FAM227B: variants seen among roughly 807,000 people sequenced by gnomAD.
FAM227B encodes protein FAM227B.
A neutral mutation model predicts 73.8 loss-of-function variants in FAM227B; 88 were observed. The observed-to-expected ratio is 1.19, with a 90% CI of 1.00 to 1.42. FAM227B has a LOEUF of 1.42. FAM227B is among the 40% of genes most tolerant of loss of function. The pLI is 0.00. For missense variants in FAM227B, 632 were observed against 590.9 expected, an observed-to-expected ratio of 1.07 and a Z score of -0.72; for synonymous variants, 210 against 190.5, an observed-to-expected ratio of 1.10 and a Z score of -0.84.
chr15:49,588,084 C>A lies in FAM227B; in HGVS notation c.338-1G>T. On this transcript the variant is annotated splice_acceptor_variant, in intron 4 of 15. Coordinates refer to ENST00000299338, the MANE Select transcript of FAM227B (RefSeq NM_152647.3). LOFTEE classifies it high-confidence loss of function. Reference sequence around the variant, plus strand: ...TATCGTTCCAATTTTCTATAAGAACCTTTAAGAAAATAAGAATTCACAGTA... The same window carrying A: ...TATCGTTCCAATTTTCTATAAGAACATTTAAGAAAATAAGAATTCACAGTA... 7.2e-7 allele frequency: 1 copy of A among 1,396,572 alleles called. No homozygotes were observed. The highest frequency in any genetic ancestry group is 9.6e-7 in the Non-Finnish European group (1 of 1,045,848). 86.5% of individuals were successfully genotyped at this position (1,396,572 alleles called of 1,614,324 possible).
At chr15:49,377,211 T>C (rs1182492751) in intron 11 of FAM227B, among the ~76,000 whole-genome samples, 1 of 152,152 alleles carries the variant, frequency 6.6e-6, no homozygotes, top group Admixed American at 6.5e-5. Flanking sequence ...ACTCTTTTTA[T>C]GGCTGAATAG....
chr15:49,545,222 C>G (rs571007288), intron 9 of FAM227B, among the ~76,000 whole-genome samples: 209 of 152,238 alleles, frequency 1.4e-3, no homozygotes, highest in Admixed American at 2.5e-3. Flanking sequence ...CTGATATAAC[C>G]TAGGACAGTT....
At chr15:49,472,415 T>A (rs940933077) in intron 11 of FAM227B, among the ~76,000 whole-genome samples, 9 of 152,174 alleles carry the variant, frequency 5.9e-5, no homozygotes, top group African/African-American at 2.2e-4. Flanking sequence ...GCTGGGTACC[T>A]TTTATGGAAG....
At chr15:49,444,353 C>T (rs895121872) in intron 11 of FAM227B, among the ~76,000 whole-genome samples, 13 of 151,402 alleles carry the variant, frequency 8.6e-5, no homozygotes, top group South Asian at 8.3e-4. Flanking sequence ...TGAAAATGCA[C>T]GGAACCAAAG....
intron 11 of FAM227B, among the ~76,000 whole-genome samples, chr15:49,397,902 T>C (rs1354706058): frequency 2.0e-5 from 3 of 151,330 alleles, no homozygotes; most frequent in East Asian, 1.9e-4. Context: ...CATGCCAAAA[T>C]GTAAAGACCA....
chr15:49,592,724 T>C (rs930073089), intron 3 of FAM227B, among the ~76,000 whole-genome samples: 1 of 152,232 alleles, frequency 6.6e-6, no homozygotes, highest in Middle Eastern at 3.2e-3. Flanking sequence ...TCTTCAGAGC[T>C]GTCAGATAGG....
chr15:49,540,219 G>A (rs1039037891), intron 10 of FAM227B, among the ~76,000 whole-genome samples: 1 of 152,170 alleles, frequency 6.6e-6, no homozygotes, highest in African/African-American at 2.4e-5. Flanking sequence ...GTGTGTGGCT[G>A]CCTCAGGAAC....
intron 13 of FAM227B, among the ~76,000 whole-genome samples, chr15:49,336,884 T>C (rs1427499144): frequency 6.6e-6 from 1 of 152,182 alleles, no homozygotes; most frequent in African/African-American, 2.4e-5. Context: ...CAGTATGCAG[T>C]GTCTATTGTT....
At chr15:49,582,037 C>T (rs1232591190) in intron 5 of FAM227B, among the ~76,000 whole-genome samples, 3 of 152,148 alleles carry the variant, frequency 2.0e-5, no homozygotes, top group Admixed American at 2.0e-4. Context: ...GCTTGCAGTA[C>T]ACATACCAGT....
At chr15:49,547,522 A>G (rs1381851893) in intron 9 of FAM227B, among the ~76,000 whole-genome samples, 1 of 152,192 alleles carries the variant, frequency 6.6e-6, no homozygotes, top group Non-Finnish European at 1.5e-5. Context: ...AGTGTGCTGT[A>G]TTCAGGAAAC....
At chr15:49,438,708 T>C (rs1280640040) in intron 11 of FAM227B, among the ~76,000 whole-genome samples, 2 of 151,670 alleles carry the variant, frequency 1.3e-5, no homozygotes, top group East Asian at 1.9e-4. Flanking sequence ...CTTGGGCAAA[T>C]AGTTGACTCT....
intron 10 of FAM227B, among the ~76,000 whole-genome samples, chr15:49,518,695 C>A (rs1174795979): frequency 1.3e-5 from 2 of 152,224 alleles, no homozygotes; most frequent in East Asian, 3.9e-4. Flanking sequence ...TCCCATGATT[C>A]AATTATTTTC....
chr15:49,608,457 G>A (rs2077666441), intron 3 of FAM227B, among the ~76,000 whole-genome samples: 1 of 152,010 alleles, frequency 6.6e-6, no homozygotes, highest in African/African-American at 2.4e-5. Context: ...CTTCACCCAT[G>A]TCCCAAAGCC....
intron 11 of FAM227B, among the ~76,000 whole-genome samples, chr15:49,457,120 G>A (rs1197555256): frequency 2.0e-5 from 3 of 151,960 alleles, no homozygotes; most frequent in African/African-American, 7.2e-5. Context: ...AGACGTTTGG[G>A]TTTCATTTCA....
intron 11 of FAM227B, among the ~76,000 whole-genome samples, chr15:49,504,728 A>G (rs1350062600): frequency 6.6e-6 from 1 of 152,102 alleles, no homozygotes; most frequent in Non-Finnish European, 1.5e-5. Context: ...AGGCCTTCCT[A>G]GAAGCTGAGC....
At chr15:49,605,271 T>C (rs1405475101) in intron 3 of FAM227B, among the ~76,000 whole-genome samples, 3 of 152,160 alleles carry the variant, frequency 2.0e-5, no homozygotes, top group African/African-American at 7.2e-5. Context: ...TCTGGTTCAG[T>C]ATGTGGGCAG....
At chr15:49,590,059 T>C (rs1598414975) in intron 3 of FAM227B, 52 bp from the exon 4 acceptor site, 3 of 934,052 alleles carry the variant, frequency 3.2e-6, no homozygotes, top group Non-Finnish European at 5.2e-6. Flanking sequence ...TTAATGAATT[T>C]AAATAATAGA....
intron 11 of FAM227B, among the ~76,000 whole-genome samples, chr15:49,477,120 C>CA (rs2055412864): frequency 6.6e-6 from 1 of 152,022 alleles, no homozygotes; most frequent in Admixed American, 6.6e-5. Flanking sequence ...CATTTCCCCC[C>CA]ACAGTTCCTC....
chr15:49,494,256 AACACACACAC>A (rs374477211), intron 11 of FAM227B, among the ~76,000 whole-genome samples: 14 of 140,606 alleles, frequency 1.0e-4, no homozygotes, highest in African/African-American at 2.3e-4. Flanking sequence ...GAGACACACA[AACACACACAC>A]ACACACACAC....
Sources: allele counts gnomAD v4.1 joint callset (sites outside exome capture counted in the v4.1 genomes callset), GRCh38; gene constraint gnomAD v4.1.1; transcripts MANE v1.5; gene names NCBI Gene and HGNC (gene_info 2026-07-23, HGNC 2026-07-21).